STK33: variants seen among roughly 807,000 people sequenced by gnomAD.
STK33 encodes serine/threonine-protein kinase 33.
In STK33, 52 loss-of-function variants were observed where a neutral mutation model predicts 58.0. The ratio of observed to expected loss-of-function variants is 0.90; its 90% CI spans 0.72 to 1.13. STK33 has a LOEUF of 1.13. Ranked by LOEUF, STK33 falls within the 50% of genes most tolerant of loss-of-function variation. STK33 has a pLI of 0.00. For missense variants in STK33, 630 were observed against 604.2 expected, an observed-to-expected ratio of 1.04 and a Z score of -0.45; for synonymous variants, 215 against 200.1, an observed-to-expected ratio of 1.07 and a Z score of -0.63.
chr11:8,421,136 C>A lies in STK33; in HGVS notation c.1147-7444G>T, dbSNP rs547059759. On this transcript the variant is annotated intron_variant, in intron 14 of 15. Coordinates refer to ENST00000687296, the MANE Select transcript of STK33 (RefSeq NM_001352389.2). ...TGGTGTTGTTTTATTAACAAGAGTT[C>A]TTAACATAGACAAGCTAATCCATCA... Among the ~76,000 whole-genome samples, 11 of 152,218 alleles carry A rather than the reference C, an allele frequency of 7.2e-5. No homozygotes were observed. The East Asian group carries it at 1.2e-3, about 16-fold the overall frequency.
Position 8,464,751 on chromosome 11 carries a change from T to C in STK33, c.411A>G (p.Glu137=), listed in dbSNP as rs769000153. 2.5e-6 allele frequency: 4 copies of C among 1,613,886 alleles called. No homozygotes were observed. The highest frequency in any genetic ancestry group is 1.7e-5 in the Admixed American group (1 of 60,020). Residue 137 remains glutamate, a synonymous_variant, in exon 7 of 16, where the codon GAA becomes GAG. Transcript: ENST00000687296. ...TTTTAATTGCCCACTTCGTTTCTGT[T>C]TCCTTGTCTGTCGCTTCAATGACTA... is the stretch of plus-strand genomic sequence containing the variant. ...FGIVIEATDK[E]TETKWAIKKV...
intron 15 of STK33, among the ~76,000 whole-genome samples, chr11:8,411,391 T>C (rs1467709883): frequency 6.6e-6 from 1 of 152,248 alleles, no homozygotes; most frequent in African/African-American, 2.4e-5. Context: ...TTTCCCATAA[T>C]GTCCGAGGCA....
rs1411165421 is a variant in STK33, at chr11:8,416,251, A to G, written c.1147-2559T>C. Among the ~76,000 whole-genome samples, 3 of 152,204 alleles carry G rather than the reference A, an allele frequency of 2.0e-5. No individual in the cohort carries two copies. The South Asian group carries it at 6.2e-4, about 31-fold the overall frequency. ...AATGCTGACACTACCACCGTTCAAC[A>G]GAGTATTTGCCAAGGCATAAAAAAG... On this transcript the variant is annotated intron_variant, in intron 14 of 15. Transcript: ENST00000687296.
intron 15 of STK33, among the ~76,000 whole-genome samples, chr11:8,409,540 G>C (rs1939849010): frequency 6.6e-6 from 1 of 152,102 alleles, no homozygotes; most frequent in African/African-American, 2.4e-5. Context: ...ATTATTTACA[G>C]GAAAGGAATA....
chr11:8,455,028 G>C (rs951514665), intron 9 of STK33, among the ~76,000 whole-genome samples, 196 bp from the exon 10 acceptor site: 8 of 152,050 alleles, frequency 5.3e-5, no homozygotes, highest in Non-Finnish European at 1.2e-4. Context: ...CATTTTCTTT[G>C]ACTCCCTCAC....
intron 12 of STK33, 118 bp downstream of exon 12, chr11:8,440,560 C>G (rs887539105): frequency 3.8e-5 from 30 of 793,358 alleles, no homozygotes; most frequent in Non-Finnish European, 5.3e-5. Context: ...AATGATCTCC[C>G]AATTGGTTTT....
chr11:8,370,351 C>T, the STK33 span, among the ~76,000 whole-genome samples: 1 of 152,124 alleles, frequency 6.6e-6, no homozygotes, highest in Non-Finnish European at 1.5e-5. Context: ...AAGCATGCCA[C>T]CACCCCCAGC....
At chr11:8,572,431 A>C (rs1185799199) in intron 1 of STK33, among the ~76,000 whole-genome samples, 1 of 152,216 alleles carries the variant, frequency 6.6e-6, no homozygotes, top group Non-Finnish European at 1.5e-5. Context: ...ATGTCTTGCA[A>C]CCAGTTAAAA....
intron 1 of STK33, among the ~76,000 whole-genome samples, chr11:8,515,770 T>A (rs1423253610): frequency 6.6e-6 from 1 of 152,078 alleles, no homozygotes; most frequent in Non-Finnish European, 1.5e-5. Flanking sequence ...AGCATTTGGA[T>A]AAAATTCAAC....
At chr11:8,530,311 C>A (rs1227616366) in intron 1 of STK33, among the ~76,000 whole-genome samples, 1 of 151,550 alleles carries the variant, frequency 6.6e-6, no homozygotes, top group East Asian at 1.9e-4. Context: ...ATTTAAATGT[C>A]TCTGGTGGGG....
At chr11:8,490,035 T>G (rs2138612366) in intron 1 of STK33, among the ~76,000 whole-genome samples, 1 of 152,222 alleles carries the variant, frequency 6.6e-6, no homozygotes, top group South Asian at 2.1e-4. Flanking sequence ...CATTTCCAAC[T>G]GAGGTACCTG....
At chr11:8,386,586 C>G in the STK33 span, among the ~76,000 whole-genome samples, 4 of 152,172 alleles carry the variant, frequency 2.6e-5, no homozygotes, top group Non-Finnish European at 5.9e-5. Context: ...GGAGGTGGCA[C>G]CATCCCCCGC....
intron 1 of STK33, among the ~76,000 whole-genome samples, chr11:8,489,728 T>C (rs1591443975): frequency 6.6e-6 from 1 of 152,244 alleles, no homozygotes; most frequent in Non-Finnish European, 1.5e-5. Context: ...CATAAACTTT[T>C]GGGAGACACA....
chr11:8,573,680 A>C (rs536736797), intron 1 of STK33, among the ~76,000 whole-genome samples: 1 of 152,338 alleles, frequency 6.6e-6, no homozygotes, highest in East Asian at 1.9e-4. Flanking sequence ...GAAACTATTC[A>C]AATGTCCTTC....
the STK33 span, among the ~76,000 whole-genome samples, chr11:8,338,547 G>C: frequency 6.6e-6 from 1 of 152,136 alleles, no homozygotes; most frequent in African/African-American, 2.4e-5. Flanking sequence ...CACTCCCAGA[G>C]GGTGGAACCA....
chr11:8,353,861 A>G, the STK33 span, among the ~76,000 whole-genome samples: 41 of 152,308 alleles, frequency 2.7e-4, no homozygotes, highest in Non-Finnish European at 5.6e-4. Context: ...GATCCAGGCC[A>G]TTTGGAACCA....
chr11:8,522,412 G>C (rs753816475), intron 1 of STK33, among the ~76,000 whole-genome samples: 51 of 150,380 alleles, frequency 3.4e-4, no homozygotes, highest in Non-Finnish European at 5.5e-4. Context: ...CTCATAGGTG[G>C]AAACTGAACA....
chr11:8,591,763 C>G (rs552527325), intron 1 of STK33, among the ~76,000 whole-genome samples: 1 of 150,286 alleles, frequency 6.7e-6, no homozygotes, highest in Admixed American at 6.6e-5. Context: ...CATATTCTCA[C>G]TCATAGGTGG....
chr11:8,574,673 C>T (rs776583550), intron 1 of STK33, among the ~76,000 whole-genome samples: 7 of 152,076 alleles, frequency 4.6e-5, no homozygotes, highest in Non-Finnish European at 8.8e-5. Flanking sequence ...TAACTACAGA[C>T]CAATATCCTT....
Sources: gnomAD v4.1 joint callset for allele counts (sites outside exome capture counted in the v4.1 genomes callset) on GRCh38, gnomAD v4.1.1 for gene constraint, MANE v1.5 for transcripts, NCBI Gene and HGNC (gene_info 2026-07-23, HGNC 2026-07-21) for gene names.